The following INHBC variants were observed in gnomAD, a reference collection of about 807,000 sequenced individuals.
The protein encoded by INHBC is inhibin beta C chain.
Under a neutral mutation model 12.4 loss-of-function variants are expected in INHBC, and 10 were observed. That is an observed-to-expected ratio of 0.81 (90% CI 0.50 to 1.37). INHBC has a LOEUF of 1.37. Ranked by LOEUF, INHBC falls within the 40% of genes most tolerant of loss-of-function variation. The pLI is 0.00. For missense variants in INHBC, 382 were observed against 439.4 expected, an observed-to-expected ratio of 0.87 and a Z score of 1.17; for synonymous variants, 147 against 171.6, an observed-to-expected ratio of 0.86 and a Z score of 1.12.
intron 1 of INHBC, among the ~76,000 whole-genome samples, chr12:57,440,507 A>ATTT (rs1870441478): frequency 6.6e-6 from 1 of 151,540 alleles, no homozygotes; most frequent in Non-Finnish European, 1.5e-5. Flanking sequence ...TAATTTTCGT[A>ATTT]TTTTTAGTAG....
At chr12:57,447,903 A>ATATATATATAT (rs1870622918) in intron 1 of INHBC, among the ~76,000 whole-genome samples, 3 of 102,714 alleles carry the variant, frequency 2.9e-5, no homozygotes, top group African/African-American at 1.0e-4. Context: ...ATATATATAT[A>ATATATATATAT]TATATATATA....
At chr12:57,447,893 ATATATAT>A (rs1362710246) in intron 1 of INHBC, among the ~76,000 whole-genome samples, 8 of 20,340 alleles carry the variant, frequency 3.9e-4, no homozygotes, top group Admixed American at 6.6e-4. Flanking sequence ...AAAAAAAAAA[ATATATAT>A]ATATATATAT....
rs922518210 is a variant in INHBC, at chr12:57,449,617, G to C, written c.654G>C (p.Arg218Ser). 6.2e-7 allele frequency: 1 copy of C among 1,614,120 alleles called. No homozygotes were observed. Among genetic ancestry groups the C allele is most frequent in the African/African-American group, 1.3e-5 (1 of 74,950 alleles). Residue 218 changes from arginine (R) to serine (S), a missense_variant, in exon 2 of 2, where the codon AGG becomes AGC. Transcript: ENST00000309668. The stretch of plus-strand genomic sequence containing the variant: ...TCATCCTGGGTGGAGCTGCCCATAG[G>C]CCTTTTGTGGCAGCCCGGGTGAGAG... ...SSVILGGAAH[R>S]PFVAARVRVG... is the part of the protein sequence containing the mutation.
intron 1 of INHBC, among the ~76,000 whole-genome samples, chr12:57,448,594 T>C (rs1309192488): frequency 6.7e-6 from 1 of 149,202 alleles, no homozygotes; most frequent in Non-Finnish European, 1.5e-5. Flanking sequence ...AAAAAAATTA[T>C]GTTGCTTGAC....
chr12:57,435,633 T>A (rs1870318683), intron 1 of INHBC, among the ~76,000 whole-genome samples: 3 of 151,568 alleles, frequency 2.0e-5, no homozygotes, highest in African/African-American at 7.3e-5. Context: ...GAAGAAAAAA[T>A]AAAACACCAG....
intron 1 of INHBC, among the ~76,000 whole-genome samples, chr12:57,449,060 G>T (rs1209033635): frequency 1.3e-5 from 2 of 152,146 alleles, no homozygotes; most frequent in Non-Finnish European, 2.9e-5. Context: ...ATTCATGAAG[G>T]TGGTATTCCC....
chr12:57,435,075 G>A lies in INHBC; in HGVS notation c.189G>A (p.Leu63=). Reference sequence around the variant, plus strand: ...TGCACCTCACCCAGCGCCCAACACTGAACCGCCCTGTGTCCAGAGCTGCTT... The same window carrying A: ...TGCACCTCACCCAGCGCCCAACACTAAACCGCCCTGTGTCCAGAGCTGCTT... The part of the protein sequence containing the change: ...DKLHLTQRPT[L]NRPVSRAALR... The change falls in exon 1 of 2, where the codon CTG becomes CTA. Residue 63 remains leucine (L), a synonymous_variant. Coordinates refer to ENST00000309668, the MANE Select transcript of INHBC (RefSeq NM_005538.4). 1 of 1,614,140 alleles carries A rather than the reference G, an allele frequency of 6.2e-7. No homozygotes were observed. Among genetic ancestry groups the A allele is most frequent in the Non-Finnish European group, 8.5e-7 (1 of 1,180,036 alleles).
Position 57,435,090 on chromosome 12 carries a change from C to T in INHBC, c.204C>T (p.Ser68=). ...GCCCAACACTGAACCGCCCTGTGTC[C>T]AGAGCTGCTTTGAGGACTGCACTGC... ...TQRPTLNRPV[S]RAALRTALQH... is the part of the protein sequence containing the mutation. The change falls in exon 1 of 2, where the codon TCC becomes TCT. Residue 68 remains serine, a synonymous_variant. Coordinates refer to ENST00000309668, the MANE Select transcript of INHBC (RefSeq NM_005538.4). 6.2e-7 allele frequency: 1 copy of T among 1,614,172 alleles called. No individual in the cohort carries two copies. Among genetic ancestry groups the T allele is most frequent in the Non-Finnish European group, 8.5e-7 (1 of 1,180,030 alleles).
rs1315563115 is a variant in INHBC, at chr12:57,450,706, A to C, written c.*684A>C. On this transcript the variant is annotated 3_prime_UTR_variant, in exon 2 of 2. Coordinates refer to ENST00000309668, the MANE Select transcript of INHBC (RefSeq NM_005538.4). ...TCTGGCTTCCTGCTGAGGTCAGGGC[A>C]TTTCTTATCCCTGTTCCCTCTCTGT... is the stretch of plus-strand genomic sequence containing the variant. 1 of 152,042 alleles carries C rather than the reference A, an allele frequency of 6.6e-6. No individual in the cohort carries two copies. The highest frequency in any genetic ancestry group is 1.5e-5 in the Non-Finnish European group (1 of 68,064). 9.4% of individuals were successfully genotyped at this position (152,042 alleles called of 1,614,324 possible).
At chr12:57,447,544 A>G (rs1407696984) in intron 1 of INHBC, among the ~76,000 whole-genome samples, 1 of 151,554 alleles carries the variant, frequency 6.6e-6, no homozygotes, top group African/African-American at 2.4e-5. Context: ...AAGAGGGGGT[A>G]TATAGGAAGG....
At chr12:57,436,473 CT>C (rs71084754) in intron 1 of INHBC, among the ~76,000 whole-genome samples, 28,958 of 104,640 alleles carry the variant, frequency 0.28, 2,963 homozygotes, top group Middle Eastern at 0.56. Context: ...TTTTCTTTTT[CT>C]TTTTTTTTTT....
In INHBC at chr12:57,450,296, T is replaced by A; in HGVS notation, c.*274T>A. On this transcript the variant is annotated 3_prime_UTR_variant, in exon 2 of 2. Transcript: ENST00000309668. ...GCCCCACTCCAGGGACTCAGACCCATCTCCAACCATGAGCAATGCCATCTG... is the reference window on the plus strand; with the variant it reads ...GCCCCACTCCAGGGACTCAGACCCAACTCCAACCATGAGCAATGCCATCTG... 3.3e-6 allele frequency: 1 copy of A among 306,662 alleles called. No individual in the cohort carries two copies. The highest frequency in any genetic ancestry group is 6.0e-6 in the Non-Finnish European group (1 of 166,776). The allele number at this position is 306,662 out of a possible 1,614,324, so 19.0% of individuals were successfully genotyped here.
At chr12:57,446,276 A>G (rs1057124349) in intron 1 of INHBC, among the ~76,000 whole-genome samples, 5 of 152,022 alleles carry the variant, frequency 3.3e-5, no homozygotes, top group Non-Finnish European at 5.9e-5. Flanking sequence ...TTGAAATATC[A>G]TTGGATGTCC....
intron 1 of INHBC, among the ~76,000 whole-genome samples, chr12:57,446,768 T>C (rs1426127175): frequency 6.6e-6 from 1 of 151,976 alleles, no homozygotes; most frequent in Non-Finnish European, 1.5e-5. Flanking sequence ...CTCCCAAAGT[T>C]CTGGGACAAG....
chr12:57,447,892 AATATAT>A lies in INHBC; in HGVS notation c.314-1359_314-1354del, dbSNP rs1241342566. ...AAAAAAAAAAAAAAAAAAAAAAAAA[AATATAT>A]ATATATATATATATATATATATATA... On this transcript the variant is annotated intron_variant, in intron 1 of 1. Coordinates refer to ENST00000309668, the MANE Select transcript of INHBC (RefSeq NM_005538.4). Among the ~76,000 whole-genome samples, 63 of 19,872 alleles carry A rather than the reference AATATAT, an allele frequency of 3.2e-3. 1 individual carries two copies. Among genetic ancestry groups the A allele is most frequent in the East Asian group, 0.014 (10 of 706 alleles). 13.0% of individuals were successfully genotyped at this position (19,872 alleles called of 152,430 possible). A position where few individuals can be genotyped will look rare whatever the true frequency, so the allele number is the denominator to read the frequency against.
rs183185217 is a variant in INHBC, at chr12:57,436,824, G to A, written c.313+1625G>A. Among the ~76,000 whole-genome samples the A allele has an allele frequency of 2.0e-5, 3 of 151,932 alleles. No homozygotes were observed. The East Asian group carries it at 5.8e-4, about 29-fold the overall frequency. The stretch of plus-strand genomic sequence containing the variant: ...TGGGGCTACAGGCGCCTACCACCAT[G>A]CCTGGCTACTTTTTATGTATTTTTA... On this transcript the variant is annotated intron_variant, in intron 1 of 1. Transcript: ENST00000309668.
At chr12:57,441,725 A>G (rs975641069) in intron 1 of INHBC, among the ~76,000 whole-genome samples, 1 of 149,846 alleles carries the variant, frequency 6.7e-6, no homozygotes, top group East Asian at 2.0e-4. Flanking sequence ...TCTGTTGCCC[A>G]GGCTGGAGTG....
At chr12:57,436,086 C>T (rs1266283185) in intron 1 of INHBC, among the ~76,000 whole-genome samples, 2 of 152,096 alleles carry the variant, frequency 1.3e-5, no homozygotes, top group African/African-American at 2.4e-5. Flanking sequence ...ACCTCGTGAT[C>T]CTCCCACCTC....
intron 1 of INHBC, among the ~76,000 whole-genome samples, chr12:57,445,571 G>C (rs1022074734): frequency 2.0e-5 from 3 of 152,076 alleles, no homozygotes; most frequent in Non-Finnish European, 4.4e-5. Flanking sequence ...GGTTTGGACT[G>C]GGGGGATACA....
Sources: allele counts gnomAD v4.1 joint callset (sites outside exome capture counted in the v4.1 genomes callset), GRCh38; gene constraint gnomAD v4.1.1; transcripts MANE v1.5; gene names NCBI Gene and HGNC (gene_info 2026-07-23, HGNC 2026-07-21).